Variants in WDR5 observed in about 807,000 individuals in gnomAD.
WDR5 encodes the protein WD repeat domain 5.
For missense variants in WDR5, 187 were observed against 416.9 expected (o/e 0.45, Z 4.80); for synonymous variants, 144 against 161.6 (o/e 0.89, Z 0.83).
rs1476369507 is a variant in WDR5, at chr9:134,141,566, A to G, written c.247A>G (p.Ile83Val). The change falls in exon 4 of 14, where the codon ATA becomes GTA. Residue 83 changes from isoleucine to valine, a missense_variant. Transcript: ENST00000358625. ...GTATGATGGGAAATTTGAGAAAACC[A>G]TATCTGGTCACAAGCTGGTAGGTTT... ...GAYDGKFEKT[I>V]SGHKLGISDV... The G allele has an allele frequency of 3.1e-6, 5 of 1,614,136 alleles. No individual in the cohort carries two copies. The highest frequency in any genetic ancestry group is 3.3e-5 in the Admixed American group (2 of 60,014).
chr9:134,136,820 C>A (rs766283252), intron 1 of WDR5, among the ~76,000 whole-genome samples: 6 of 152,206 alleles, frequency 3.9e-5, no homozygotes, highest in Non-Finnish European at 7.3e-5. Flanking sequence ...CGGCCTGTTA[C>A]ATCGCTAACG....
chr9:134,152,155 T>C, intron 9 of WDR5, 126 bp downstream of exon 9: 2 of 1,118,950 alleles, frequency 1.8e-6, no homozygotes, highest in Non-Finnish European at 2.5e-6. Context: ...AGGAGGAACC[T>C]TCCTCCGTGT....
chr9:134,154,732 T>C (rs539804331), intron 10 of WDR5, among the ~76,000 whole-genome samples, 191 bp downstream of exon 10: 10 of 152,342 alleles, frequency 6.6e-5, no homozygotes, highest in African/African-American at 2.2e-4. Flanking sequence ...TTCCCGAGGC[T>C]GAACCTCAGG....
In WDR5 at chr9:134,157,922, A is replaced by G; in HGVS notation, c.934A>G (p.Thr312Ala). 1 of 1,614,140 alleles carries G rather than the reference A, an allele frequency of 6.2e-7. No homozygotes were observed. Reference sequence around the variant, plus strand: ...CGTGATCTCAACAGCTTGTCACCCAACAGAAAACATCATCGCCTCTGCTGC... The same window carrying G: ...CGTGATCTCAACAGCTTGTCACCCAGCAGAAAACATCATCGCCTCTGCTGC... ...DVVISTACHP[T>A]ENIIASAALE... The change falls in exon 14 of 14, where the codon ACA becomes GCA. Residue 312 changes from threonine to alanine, a missense_variant. Transcript: ENST00000358625. This position sits in a 1 kb window ranked among gnomAD's most constrained non-coding sequence, Gnocchi z 5.0.
chr9:134,145,170 C>T (rs1267665328), intron 7 of WDR5, among the ~76,000 whole-genome samples: 2 of 137,894 alleles, frequency 1.5e-5, no homozygotes, highest in Non-Finnish European at 3.0e-5. Flanking sequence ...GCGATCTTGG[C>T]CCACTGCAAG....
chr9:134,157,873 G>T lies in WDR5; in HGVS notation c.905-20G>T. On this transcript the variant is annotated intron_variant, in intron 13 of 13. Transcript: ENST00000358625. The surrounding 1 kb of genome is among the most constrained non-coding windows in gnomAD (Gnocchi z 5.0). ...CAGGCGCAGGGATGGCTCTGGTTCTGACTGTGTCTTTGTTTTCAGATGTCG... is the reference window on the plus strand; with the variant it reads ...CAGGCGCAGGGATGGCTCTGGTTCTTACTGTGTCTTTGTTTTCAGATGTCG... 1.9e-6 allele frequency: 3 copies of T among 1,613,286 alleles called. No homozygotes were observed. The highest frequency in any genetic ancestry group is 4.5e-5 in the East Asian group (2 of 44,880).
At chr9:134,140,635 A>G in intron 2 of WDR5, 68 bp from the exon 3 acceptor site, 1 of 1,373,308 alleles carries the variant, frequency 7.3e-7, no homozygotes, top group Non-Finnish European at 1.0e-6. Context: ...GTGGGAGTCA[A>G]AATCCAAACT....
intron 12 of WDR5, 90 bp from the exon 13 acceptor site, chr9:134,156,416 C>A: frequency 7.6e-7 from 1 of 1,315,728 alleles, no homozygotes; most frequent in Non-Finnish European, 1.1e-6. Context: ...GGGCGTGGGG[C>A]AGGGCATAAC....
At position 134,139,925 on chromosome 9, in the gene WDR5, G is replaced by A. The variant is rs751532802; in HGVS notation, c.48G>A (p.Gln16=). Residue 16 remains glutamine, a synonymous_variant, in exon 2 of 14, where the codon CAG becomes CAA. Transcript: ENST00000358625. ...KKPETEAARA[Q]PTPSSSATQS... ...CCGAGACCGAGGCCGCCAGAGCACA[G>A]CCAACCCCTTCGTCATCCGCCACTC... 1.2e-6 allele frequency: 2 copies of A among 1,613,570 alleles called. No individual in the cohort carries two copies. The highest frequency in any genetic ancestry group is 2.7e-5 in the African/African-American group (2 of 75,010).
rs1339875609 is a variant in WDR5, at chr9:134,157,784, C to T, written c.905-109C>T. 1.2e-5 allele frequency: 12 copies of T among 997,512 alleles called. No homozygotes were observed. The highest frequency in any genetic ancestry group is 5.2e-5 in the East Asian group (2 of 38,482). The allele number at this position is 997,512 out of a possible 1,614,324, so 61.8% of individuals were successfully genotyped here. On this transcript the variant is annotated intron_variant, in intron 13 of 13. Transcript: ENST00000358625. The surrounding 1 kb of genome is among the most constrained non-coding windows in gnomAD (Gnocchi z 5.0). ...GCTTGTCCTGTGACCTCCCAGGTGG[C>T]GGGCAGGCGCTACCCGCGTTTCTGG...
rs1832592114 is a variant in WDR5, at chr9:134,153,438, T to C, written c.632-1028T>C. Among the ~76,000 whole-genome samples the C allele has an allele frequency of 5.3e-5, 8 of 152,234 alleles. No individual in the cohort carries two copies. The South Asian group carries it at 1.7e-3, about 31-fold the overall frequency. ...ACAGGTTGGCTGATGCGTTCATCTC[T>C]GTGAGGCTCTGCCCAGGCAGCCTGG... On this transcript the variant is annotated intron_variant, in intron 9 of 13. Coordinates refer to ENST00000358625, the MANE Select transcript of WDR5 (RefSeq NM_017588.3).
At chr9:134,155,401 T>C in intron 11 of WDR5, 28 bp downstream of exon 11, 1 of 1,589,124 alleles carries the variant, frequency 6.3e-7, no homozygotes, top group Non-Finnish European at 8.6e-7. Flanking sequence ...TGGGCCCCCA[T>C]GGTGCACCAT....
chr9:134,146,718 G>T (rs190552991), intron 7 of WDR5, among the ~76,000 whole-genome samples: 177 of 152,368 alleles, frequency 1.2e-3, no homozygotes, highest in Non-Finnish European at 1.7e-3. Flanking sequence ...AGTTGGCCTT[G>T]TGAGTTTTGG....
rs1192483803 is a variant in WDR5, at chr9:134,139,823, G to A, written c.-55G>A. 3 of 1,585,952 alleles carry A rather than the reference G, an allele frequency of 1.9e-6. No individual in the cohort carries two copies. In the African/African-American group the frequency reaches 4.0e-5, roughly 21 times the overall value. On this transcript the variant is annotated 5_prime_UTR_variant, in exon 2 of 14. Transcript: ENST00000358625. ...TGTTCTGCATCTCGCTCAACAGACT[G>A]CCTCTGTCACCGGGTCCCTCCACCC... is the stretch of plus-strand genomic sequence containing the variant.
chr9:134,138,296 C>T (rs149538424), intron 1 of WDR5, among the ~76,000 whole-genome samples: 5 of 151,810 alleles, frequency 3.3e-5, no homozygotes, highest in African/African-American at 7.2e-5. Flanking sequence ...TCTGGTGTTT[C>T]GCTTGGGTAG....
chr9:134,155,554 C>A, intron 11 of WDR5, 139 bp from the exon 12 acceptor site: 2 of 1,253,264 alleles, frequency 1.6e-6, no homozygotes, highest in South Asian at 1.4e-5. Context: ...CAAGTTAAAT[C>A]TTCGATTGTG....
intron 7 of WDR5, among the ~76,000 whole-genome samples, chr9:134,146,932 C>A (rs953694094): frequency 1.3e-5 from 2 of 152,194 alleles, no homozygotes; most frequent in Non-Finnish European, 2.9e-5. Flanking sequence ...AGGTACTCAC[C>A]CCTCTGTGTC....
At chr9:134,154,298 C>T (rs1396423402) in intron 9 of WDR5, among the ~76,000 whole-genome samples, 168 bp from the exon 10 acceptor site, 3 of 152,118 alleles carry the variant, frequency 2.0e-5, no homozygotes, top group Non-Finnish European at 4.4e-5. Context: ...GGCTGGTGTG[C>T]GTGGCTAGGC....
chr9:134,135,718 C>T (rs961836993), upstream of WDR5: 4 of 152,160 alleles, frequency 2.6e-5, no homozygotes, highest in African/African-American at 9.7e-5. Context: ...GGGAGGTGCC[C>T]CGGCCCGAAT....
Sources: allele counts gnomAD v4.1 joint callset (sites outside exome capture counted in the v4.1 genomes callset), GRCh38; gene constraint gnomAD v4.1.1; non-coding constraint Gnocchi (gnomAD v3.1); transcripts MANE v1.5; gene names NCBI Gene and HGNC (gene_info 2026-07-23, HGNC 2026-07-21).